AKR1C8: variants seen among roughly 807,000 people sequenced by gnomAD.
The protein encoded by AKR1C8 is aldo-keto reductase family 1 member C8, also known as aldo-keto reductase family 1 member C-like protein 1.
the AKR1C8 span, among the ~76,000 whole-genome samples, chr10:5,131,440 G>T: frequency 3.3e-5 from 5 of 152,012 alleles, no homozygotes; most frequent in Non-Finnish European, 7.4e-5. Context: ...TTCCATCAAA[G>T]GACTATTGTC....
chr10:5,127,596 GTAATCCCAGCT>G, the AKR1C8 span, among the ~76,000 whole-genome samples: 4 of 145,008 alleles, frequency 2.8e-5, no homozygotes, highest in East Asian at 2.8e-4. Context: ...GCATGTGCCT[GTAATCCCAGCT>G]ACTCAGGAGC....
the AKR1C8 span, among the ~76,000 whole-genome samples, chr10:5,168,034 G>A: frequency 6.6e-6 from 1 of 151,714 alleles, no homozygotes; most frequent in East Asian, 1.9e-4. Context: ...TAAAAAAAAA[G>A]ACTTATATTC....
the AKR1C8 span, chr10:5,123,177 AATGGACTTAGTCCAACAGTATC>A: frequency 0.011 from 1,810 of 162,136 alleles, 16 homozygotes; most frequent in Non-Finnish European, 0.018. Flanking sequence ...ATAACCAGGA[AATGGACTTAGTCCAACAGTATC>A]CTGTTCTCAC....
At chr10:5,157,767 C>T in the AKR1C8 span, 6 of 471,732 alleles carry the variant, frequency 1.3e-5, no homozygotes, top group South Asian at 7.7e-5. Context: ...TCAAGATCGG[C>T]TCCTCCAAGA....
chr10:5,150,520 A>G, the AKR1C8 span, among the ~76,000 whole-genome samples: 3 of 152,092 alleles, frequency 2.0e-5, no homozygotes, highest in Non-Finnish European at 4.4e-5. Flanking sequence ...ATATTTGACA[A>G]TGCTTCCTGT....
the AKR1C8 span, among the ~76,000 whole-genome samples, chr10:5,128,198 G>A: frequency 6.6e-6 from 1 of 152,104 alleles, no homozygotes; most frequent in Non-Finnish European, 1.5e-5. Context: ...ATAATTGAAG[G>A]AGAAATACAG....
At chr10:5,131,956 T>C in the AKR1C8 span, among the ~76,000 whole-genome samples, 166 of 152,248 alleles carry the variant, frequency 1.1e-3, no homozygotes, top group African/African-American at 3.8e-3. Context: ...GACCAATGCA[T>C]GAATAATGAA....
At chr10:5,183,162 CT>C in the AKR1C8 span, among the ~76,000 whole-genome samples, 2 of 152,074 alleles carry the variant, frequency 1.3e-5, no homozygotes, top group Non-Finnish European at 2.9e-5. Context: ...AACCAACAAT[CT>C]CTGACTACAA....
the AKR1C8 span, among the ~76,000 whole-genome samples, chr10:5,144,694 T>G: frequency 6.6e-6 from 1 of 152,192 alleles, no homozygotes; most frequent in Non-Finnish European, 1.5e-5. Context: ...TGTATAAGAA[T>G]GCTTGTGATA....
chr10:5,178,193 T>C, the AKR1C8 span, among the ~76,000 whole-genome samples: 76 of 152,334 alleles, frequency 5.0e-4, 1 homozygote, highest in Middle Eastern at 0.02. Context: ...TTGTTCTCAT[T>C]GGTTTCAAAG....
chr10:5,130,245 A>G, the AKR1C8 span, among the ~76,000 whole-genome samples: 2 of 151,990 alleles, frequency 1.3e-5, no homozygotes, highest in African/African-American at 2.4e-5. Flanking sequence ...AACCCTCAAC[A>G]AACTAGACAT....
At chr10:5,179,990 C>T in the AKR1C8 span, among the ~76,000 whole-genome samples, 70 of 152,354 alleles carry the variant, frequency 4.6e-4, 1 homozygote, top group African/African-American at 1.6e-3. Context: ...AGTCATTCTC[C>T]ATCCAGCTTT....
the AKR1C8 span, among the ~76,000 whole-genome samples, chr10:5,135,509 A>G: frequency 1.9e-5 from 1 of 53,466 alleles, no homozygotes; most frequent in South Asian, 3.3e-4. Context: ...TCCATCTGGA[A>G]TCTATCTATC....
At chr10:5,125,601 G>T in the AKR1C8 span, among the ~76,000 whole-genome samples, 1 of 152,172 alleles carries the variant, frequency 6.6e-6, no homozygotes. Flanking sequence ...AAACTTGTTT[G>T]TAATCTCAGC....
chr10:5,132,031 A>G, the AKR1C8 span, among the ~76,000 whole-genome samples: 1 of 152,296 alleles, frequency 6.6e-6, no homozygotes, highest in East Asian at 1.9e-4. Context: ...TGTCTTTTGT[A>G]GCAACTTGGA....
At chr10:5,134,127 T>C in the AKR1C8 span, among the ~76,000 whole-genome samples, 54 of 152,284 alleles carry the variant, frequency 3.5e-4, no homozygotes, top group Non-Finnish European at 3.4e-4. Context: ...TTCAATGATA[T>C]TAAAAGGAAC....
At chr10:5,171,191 A>G in the AKR1C8 span, among the ~76,000 whole-genome samples, 1 of 152,086 alleles carries the variant, frequency 6.6e-6, no homozygotes, top group Non-Finnish European at 1.5e-5. Flanking sequence ...ACCTGCATTT[A>G]AGAGTACCTG....
At chr10:5,145,154 T>C in the AKR1C8 span, among the ~76,000 whole-genome samples, 4 of 152,136 alleles carry the variant, frequency 2.6e-5, no homozygotes, top group South Asian at 8.3e-4. Flanking sequence ...TTTGGCTCTG[T>C]TTATATACTG....
At chr10:5,125,158 T>C in the AKR1C8 span, among the ~76,000 whole-genome samples, 1 of 152,186 alleles carries the variant, frequency 6.6e-6, no homozygotes, top group Admixed American at 6.5e-5. Context: ...AGGTATACTT[T>C]TGGTACTTAA....
Sources: gnomAD v4.1 joint callset for allele counts (sites outside exome capture counted in the v4.1 genomes callset) on GRCh38, gnomAD v4.1.1 for gene constraint, MANE v1.5 for transcripts, NCBI Gene and HGNC (gene_info 2026-07-23, HGNC 2026-07-21) for gene names.